ATP13A4: variants seen among roughly 807,000 people sequenced by gnomAD.
The protein encoded by ATP13A4 is ATPase 13A4.
In ATP13A4, 114 loss-of-function variants were observed where a neutral mutation model predicts 142.5. The observed-to-expected ratio is 0.80, with a 90% confidence interval of 0.69 to 0.93. ATP13A4 has a LOEUF of 0.93. ATP13A4 is among the 40% of genes least tolerant of loss of function. The pLI is 0.00. For synonymous variants in ATP13A4, 488 were observed against 514.8 expected (o/e 0.95, Z 0.70); for missense variants, 1,392 against 1,454.0 (o/e 0.96, Z 0.69).
chr3:193,485,931 A>C (rs1056442910), intron 7 of ATP13A4, among the ~76,000 whole-genome samples: 25 of 151,900 alleles, frequency 1.6e-4, no homozygotes, highest in Admixed American at 1.4e-3. Context: ...AGCCAAAAAA[A>C]AAAAAGAAAA....
At chr3:193,442,669 A>G in intron 18 of ATP13A4, 113 bp from the exon 19 acceptor site, 1 of 1,059,432 alleles carries the variant, frequency 9.4e-7, no homozygotes, top group Non-Finnish European at 1.4e-6. Flanking sequence ...ATGAAGAGAA[A>G]TGATCTCTGA....
chr3:193,583,696 T>C (rs1724616796), intron 1 of ATP13A4, among the ~76,000 whole-genome samples: 1 of 151,748 alleles, frequency 6.6e-6, no homozygotes, highest in South Asian at 2.1e-4. Flanking sequence ...TTCAATACAA[T>C]GAAAGAAGCT....
intron 18 of ATP13A4, among the ~76,000 whole-genome samples, chr3:193,446,344 C>T (rs540667588): frequency 6.6e-6 from 1 of 152,284 alleles, no homozygotes; most frequent in South Asian, 2.1e-4. Context: ...AAAGTGCTGT[C>T]CATGTTTCTC....
At chr3:193,480,749 C>T (rs1463033824) in intron 8 of ATP13A4, among the ~76,000 whole-genome samples, 1 of 152,084 alleles carries the variant, frequency 6.6e-6, no homozygotes, top group East Asian at 1.9e-4. Context: ...AGTAAATCTA[C>T]CATTTGATCC....
chr3:193,453,851 A>C (rs933867500), intron 17 of ATP13A4, among the ~76,000 whole-genome samples: 1 of 152,226 alleles, frequency 6.6e-6, no homozygotes, highest in East Asian at 1.9e-4. Context: ...TAAACATCTT[A>C]TATGACTATT....
chr3:193,591,201 A>AT (rs1050020861), intron 1 of ATP13A4, among the ~76,000 whole-genome samples: 48 of 152,186 alleles, frequency 3.2e-4, no homozygotes, highest in Admixed American at 1.8e-3. Context: ...TAGCTGGCTA[A>AT]TTTTTTTATT....
At chr3:193,543,115 C>A (rs988099710) in intron 1 of ATP13A4, among the ~76,000 whole-genome samples, 5 of 150,560 alleles carry the variant, frequency 3.3e-5, no homozygotes, top group Non-Finnish European at 5.9e-5. Flanking sequence ...TTGTAGTGAG[C>A]TGAGATCGCA....
chr3:193,438,927 ATG>A, intron 22 of ATP13A4, 94 bp downstream of exon 22: 1 of 1,277,178 alleles, frequency 7.8e-7, no homozygotes, highest in Non-Finnish European at 1.1e-6. Context: ...GTATAAATGA[ATG>A]TGAGATTATG....
Position 193,410,966 on chromosome 3 carries a change from C to T in ATP13A4, c.3297+16G>A. On this transcript the variant is annotated intron_variant, in intron 28 of 29. Transcript: ENST00000342695. ...ATAACTGTAAAGCATCATCATATCC[C>T]AAAGATTAGACTTACATCCAAACGT... is the stretch of plus-strand genomic sequence containing the variant. The T allele has an allele frequency of 6.6e-7, 1 of 1,507,766 alleles. No homozygotes were observed. Among genetic ancestry groups the T allele is most frequent in the Non-Finnish European group, 9.2e-7 (1 of 1,083,642 alleles). The allele number at this position is 1,507,766 out of a possible 1,614,324, so 93.4% of individuals were successfully genotyped here.
chr3:193,537,988 A>G (rs1722676139), intron 1 of ATP13A4, among the ~76,000 whole-genome samples: 1 of 152,214 alleles, frequency 6.6e-6, no homozygotes, highest in Admixed American at 6.5e-5. Flanking sequence ...CTATAAAAAA[A>G]ACAAAATGGA....
chr3:193,459,649 G>A (rs1717839454), intron 13 of ATP13A4, among the ~76,000 whole-genome samples: 1 of 152,190 alleles, frequency 6.6e-6, no homozygotes, highest in Admixed American at 6.5e-5. Context: ...ATGTTGGCCA[G>A]GCTGGTCTTG....
At chr3:193,585,670 T>C (rs183505611) in intron 1 of ATP13A4, among the ~76,000 whole-genome samples, 2 of 152,292 alleles carry the variant, frequency 1.3e-5, no homozygotes, top group African/African-American at 4.8e-5. Flanking sequence ...TTGTTACATG[T>C]ATCCGCAGGT....
chr3:193,466,319 T>G (rs1718284206), intron 10 of ATP13A4, 137 bp from the exon 11 acceptor site: 1 of 1,079,500 alleles, frequency 9.3e-7, no homozygotes, highest in Non-Finnish European at 1.4e-6. Flanking sequence ...GAAAGATAAC[T>G]AGAAAAATAC....
chr3:193,588,113 AC>A (rs1724700488), intron 1 of ATP13A4, among the ~76,000 whole-genome samples: 1 of 152,194 alleles, frequency 6.6e-6, no homozygotes, highest in Admixed American at 6.5e-5. Context: ...AGCCTGGGAA[AC>A]AGAGCAAGAC....
At chr3:193,493,746 A>C (rs1200262375) in intron 3 of ATP13A4, among the ~76,000 whole-genome samples, 1 of 152,116 alleles carries the variant, frequency 6.6e-6, no homozygotes, top group Non-Finnish European at 1.5e-5. Context: ...ACTGAAACCA[A>C]AGTATTGATA....
rs866246754 is a variant in ATP13A4 at position 193,448,227 on chromosome 3, T to A, written c.2131A>T (p.Ile711Leu). The change falls in exon 18 of 30, where the codon ATA becomes TTA. Residue 711 changes from isoleucine to leucine, a missense_variant. Transcript: ENST00000342695. ...ATACCTGTGATCATTACAGTCCTTA[T>A]CCGGGCTGAGATGAGCTCTTCCAAG... is the stretch of plus-strand genomic sequence containing the variant. The part of the protein sequence containing the change: ...PVLEELISAR[I>L]RTVMITGDNL... 6.2e-7 allele frequency: 1 copy of A among 1,614,166 alleles called. No homozygotes were observed. The highest frequency in any genetic ancestry group is 1.6e-4 in the Middle Eastern group (1 of 6,062).
At chr3:193,489,413 C>G (rs1719818733) in intron 7 of ATP13A4, among the ~76,000 whole-genome samples, 2 of 152,200 alleles carry the variant, frequency 1.3e-5, no homozygotes, top group South Asian at 4.1e-4. Context: ...CCACCATCCT[C>G]AAGTCCCATC....
chr3:193,422,262 A>G (rs1471941205), intron 25 of ATP13A4, among the ~76,000 whole-genome samples: 1 of 149,950 alleles, frequency 6.7e-6, no homozygotes, highest in African/African-American at 2.4e-5. Flanking sequence ...AAGGAGAAAT[A>G]GCAAGACAAT....
intron 25 of ATP13A4, among the ~76,000 whole-genome samples, chr3:193,425,837 T>C (rs938776019): frequency 2.0e-5 from 3 of 151,706 alleles, no homozygotes; most frequent in Non-Finnish European, 3.0e-5. Flanking sequence ...AATAGCAGAC[T>C]TTATATTTCA....
Sources: allele counts gnomAD v4.1 joint callset (sites outside exome capture counted in the v4.1 genomes callset), GRCh38; gene constraint gnomAD v4.1.1; transcripts MANE v1.5; gene names NCBI Gene and HGNC (gene_info 2026-07-23, HGNC 2026-07-21).